TLL2: variants seen among roughly 807,000 people sequenced by gnomAD.
The protein encoded by TLL2 is tolloid like 2.
Under a neutral mutation model 123.0 loss-of-function variants are expected in TLL2, and 106 were observed. The ratio of observed to expected loss-of-function variants is 0.86; its 90% CI spans 0.74 to 1.01. The LOEUF (loss-of-function observed/expected upper bound fraction) is 1.01. TLL2 is among the 50% of genes least tolerant of loss of function. The pLI, the probability that TLL2 is intolerant of heterozygous loss-of-function variation, is 0.00. For synonymous variants in TLL2, 494 were observed against 516.8 expected, an observed-to-expected ratio of 0.96 and a Z score of 0.60; for missense variants, 1,332 against 1,336.7, an observed-to-expected ratio of 1.00 and a Z score of 0.06.
intron 1 of TLL2, among the ~76,000 whole-genome samples, chr10:96,488,398 G>A (rs926926140): frequency 6.6e-6 from 1 of 152,214 alleles, no homozygotes; most frequent in Non-Finnish European, 1.5e-5. Flanking sequence ...GTGTGGGACT[G>A]GATCCTAGCC....
At chr10:96,415,096 C>T (rs954546484) in intron 7 of TLL2, among the ~76,000 whole-genome samples, 2 of 152,200 alleles carry the variant, frequency 1.3e-5, no homozygotes, top group Non-Finnish European at 2.9e-5. Flanking sequence ...GCTTAGAACG[C>T]TTCACCAACT....
At chr10:96,481,433 T>C (rs1236234113) in intron 1 of TLL2, among the ~76,000 whole-genome samples, 2 of 152,322 alleles carry the variant, frequency 1.3e-5, no homozygotes, top group Middle Eastern at 6.8e-3. Context: ...CATAATCTTC[T>C]GAGATTCATG....
intron 1 of TLL2, among the ~76,000 whole-genome samples, chr10:96,503,086 A>T (rs1259114364): frequency 6.6e-6 from 1 of 152,030 alleles, no homozygotes; most frequent in Non-Finnish European, 1.5e-5. Context: ...CTGCTTCTAC[A>T]CATTTGGTTT....
At chr10:96,481,347 C>T (rs1847310105) in intron 1 of TLL2, among the ~76,000 whole-genome samples, 1 of 152,104 alleles carries the variant, frequency 6.6e-6, no homozygotes. Context: ...CAGGGTCTCG[C>T]TATGTTGTGC....
chr10:96,411,773 G>C (rs746566021), intron 8 of TLL2, among the ~76,000 whole-genome samples: 1 of 152,172 alleles, frequency 6.6e-6, no homozygotes, highest in Non-Finnish European at 1.5e-5. Context: ...TTACTGCTCG[G>C]AACTACTGGA....
At chr10:96,509,651 A>C (rs1390412751) in intron 1 of TLL2, among the ~76,000 whole-genome samples, 1 of 152,266 alleles carries the variant, frequency 6.6e-6, no homozygotes, top group Non-Finnish European at 1.5e-5. Flanking sequence ...GAAGAATCCA[A>C]CTAAAACTGG....
At chr10:96,487,359 C>G (rs543405814) in intron 1 of TLL2, among the ~76,000 whole-genome samples, 44 of 152,288 alleles carry the variant, frequency 2.9e-4, no homozygotes, top group African/African-American at 1.0e-3. Context: ...CCCCACCCTG[C>G]AAAACTCAAC....
intron 2 of TLL2, among the ~76,000 whole-genome samples, chr10:96,477,235 G>C (rs1847267650): frequency 6.6e-6 from 1 of 151,398 alleles, no homozygotes; most frequent in Admixed American, 6.6e-5. Flanking sequence ...ATCAAGCTTG[G>C]GAAGGAAGAA....
chr10:96,385,696 G>A (rs1422411497), intron 15 of TLL2, among the ~76,000 whole-genome samples: 1 of 152,166 alleles, frequency 6.6e-6, no homozygotes, highest in African/African-American at 2.4e-5. Flanking sequence ...GCTGTCTGTA[G>A]CATCCTTGTC....
chr10:96,370,800 C>G (rs2134049739), intron 19 of TLL2, among the ~76,000 whole-genome samples: 1 of 152,294 alleles, frequency 6.6e-6, no homozygotes, highest in South Asian at 2.1e-4. Context: ...GCTCTCAACC[C>G]TGGAAACCTC....
At chr10:96,375,667 G>A (rs1460053934) in intron 18 of TLL2, among the ~76,000 whole-genome samples, 1 of 152,224 alleles carries the variant, frequency 6.6e-6, no homozygotes, top group African/African-American at 2.4e-5. Context: ...CCTGTGGTCA[G>A]AGGCCCTGTC....
At chr10:96,450,343 C>A (rs1351018099) in intron 2 of TLL2, among the ~76,000 whole-genome samples, 3 of 132,452 alleles carry the variant, frequency 2.3e-5, no homozygotes, top group Non-Finnish European at 4.9e-5. Context: ...ACTTTGGCTG[C>A]GATTTGAATC....
intron 11 of TLL2, among the ~76,000 whole-genome samples, chr10:96,396,889 A>G (rs527266042): frequency 6.6e-6 from 1 of 152,330 alleles, no homozygotes; most frequent in Non-Finnish European, 1.5e-5. Flanking sequence ...ACAGGGTTCT[A>G]GATCCCCCCA....
intron 2 of TLL2, among the ~76,000 whole-genome samples, chr10:96,459,958 T>C (rs1262525902): frequency 6.6e-6 from 1 of 151,406 alleles, no homozygotes; most frequent in Admixed American, 6.6e-5. Flanking sequence ...ATAAACCATA[T>C]GGAAAAACTC....
At chr10:96,393,067 A>T (rs1564897339) in intron 13 of TLL2, among the ~76,000 whole-genome samples, 2 of 152,258 alleles carry the variant, frequency 1.3e-5, no homozygotes, top group Non-Finnish European at 2.9e-5. Context: ...CCATGAGCCA[A>T]GGAATTCAGG....
chr10:96,471,423 G>T (rs115068973), intron 2 of TLL2, among the ~76,000 whole-genome samples: 1,722 of 152,274 alleles, frequency 0.011, 30 homozygotes, highest in African/African-American at 0.039. Flanking sequence ...GTCCCCTGCA[G>T]GTTCCGGAAG....
chr10:96,378,170 G>A (rs1387673996), intron 17 of TLL2, among the ~76,000 whole-genome samples: 5 of 152,216 alleles, frequency 3.3e-5, no homozygotes, highest in Non-Finnish European at 5.9e-5. Flanking sequence ...CAGACTCTGC[G>A]GCACCCAGCC....
At chr10:96,404,170 TTC>T (rs1306237196) in intron 10 of TLL2, among the ~76,000 whole-genome samples, 1 of 152,194 alleles carries the variant, frequency 6.6e-6, no homozygotes, top group Non-Finnish European at 1.5e-5. Context: ...CCACTGTTGT[TTC>T]TCTATACTTT....
At chr10:96,443,574 C>G (rs1295750348) in intron 3 of TLL2, among the ~76,000 whole-genome samples, 1 of 152,180 alleles carries the variant, frequency 6.6e-6, no homozygotes, top group Admixed American at 6.5e-5. Flanking sequence ...CCCAGTCAAC[C>G]CCCAGAATCA....
Sources: gnomAD v4.1 joint callset for allele counts (sites outside exome capture counted in the v4.1 genomes callset) on GRCh38, gnomAD v4.1.1 for gene constraint, MANE v1.5 for transcripts, NCBI Gene and HGNC (gene_info 2026-07-23, HGNC 2026-07-21) for gene names.